LEKR1: variants seen among roughly 807,000 people sequenced by gnomAD.
LEKR1 encodes protein LEKR1.
LEKR1 carries 59 observed loss-of-function variants against 72.4 expected under a neutral mutation model. That is an observed-to-expected ratio of 0.82 (90% CI 0.66 to 1.01). The LOEUF (loss-of-function observed/expected upper bound fraction) is 1.01. Among genes scored for constraint, LEKR1 ranks in the 50% least tolerant of loss-of-function variants. LEKR1 has a pLI of 0.00. For synonymous variants in LEKR1, 257 were observed against 263.2 expected (o/e 0.98, Z 0.23); for missense variants, 728 against 759.2 (o/e 0.96, Z 0.48).
At chr3:156,928,424 A>G (rs2108575868) in intron 5 of LEKR1, among the ~76,000 whole-genome samples, 1 of 152,094 alleles carries the variant, frequency 6.6e-6, no homozygotes. Flanking sequence ...TTTCTGCTCA[A>G]TTTTCCTGTG....
chr3:156,826,787 T>C (rs62273904), intron 1 of LEKR1: 4,857 of 155,496 alleles, frequency 0.031, 114 homozygotes, highest in Non-Finnish European at 0.047. Context: ...AGTCTTAGGA[T>C]GTGAACTCCC....
intron 9 of LEKR1, among the ~76,000 whole-genome samples, chr3:156,996,276 C>T (rs953227250): frequency 2.0e-5 from 3 of 152,108 alleles, no homozygotes; most frequent in East Asian, 3.9e-4. Context: ...AAAGTGACTT[C>T]GAAGATGATA....
chr3:156,899,515 C>CAT (rs1721678930), intron 3 of LEKR1, among the ~76,000 whole-genome samples: 1 of 103,244 alleles, frequency 9.7e-6, no homozygotes, highest in Non-Finnish European at 1.9e-5. Context: ...TGTATATATA[C>CAT]ATACATACAT....
chr3:156,827,307 C>T (rs1457949148), intron 1 of LEKR1, among the ~76,000 whole-genome samples: 1 of 152,122 alleles, frequency 6.6e-6, no homozygotes, highest in African/African-American at 2.4e-5. Context: ...GAAGATAGGG[C>T]CCCAGTCTCC....
intron 5 of LEKR1, among the ~76,000 whole-genome samples, chr3:156,929,088 G>A (rs988297838): frequency 6.6e-6 from 1 of 150,424 alleles, no homozygotes; most frequent in Non-Finnish European, 1.5e-5. Context: ...GAAAATCTGA[G>A]TAAGCAACTA....
rs541519138 is a variant in LEKR1, at chr3:157,035,405, G to A, written c.1668+7003G>A. Among the ~76,000 whole-genome samples the A allele has an allele frequency of 3.3e-5, 5 of 152,224 alleles. No individual in the cohort carries two copies. The South Asian group carries it at 1.0e-3, about 32-fold the overall frequency. On this transcript the variant is annotated intron_variant, in intron 12 of 12. Coordinates refer to ENST00000356539, the MANE Select transcript of LEKR1 (RefSeq NM_001004316.3). ...CCACCATCCTGGCAGAATACCAGGG[G>A]TTTACTCTCTAGCAAAACTGAATGA...
intron 6 of LEKR1, among the ~76,000 whole-genome samples, chr3:156,959,321 C>T (rs532795470): frequency 2.0e-5 from 3 of 152,256 alleles, no homozygotes; most frequent in East Asian, 3.9e-4. Context: ...CTTAAATTCA[C>T]TTTTTGTTAT....
At chr3:156,964,523 T>C (rs546551589) in intron 6 of LEKR1, among the ~76,000 whole-genome samples, 6 of 152,300 alleles carry the variant, frequency 3.9e-5, no homozygotes, top group Non-Finnish European at 2.9e-5. Flanking sequence ...TACTTTTATA[T>C]TATGTAATTG....
At chr3:157,039,445 C>G (rs1185659996) in intron 12 of LEKR1, among the ~76,000 whole-genome samples, 1 of 151,950 alleles carries the variant, frequency 6.6e-6, no homozygotes, top group Non-Finnish European at 1.5e-5. Flanking sequence ...ATAGGGAGAC[C>G]CTGTTTTTAC....
intron 3 of LEKR1, among the ~76,000 whole-genome samples, chr3:156,906,687 T>C (rs896929981): frequency 6.6e-6 from 1 of 152,174 alleles, no homozygotes; most frequent in African/African-American, 2.4e-5. Context: ...ATCATTTTGA[T>C]ATGAAAGAAG....
At chr3:156,949,616 T>A (rs550993257) in intron 6 of LEKR1, among the ~76,000 whole-genome samples, 1 of 151,430 alleles carries the variant, frequency 6.6e-6, no homozygotes, top group South Asian at 2.1e-4. Flanking sequence ...GGCCTTAGTT[T>A]CTTTATTTAC....
At chr3:156,909,146 A>T (rs1013786626) in intron 3 of LEKR1, among the ~76,000 whole-genome samples, 1 of 152,100 alleles carries the variant, frequency 6.6e-6, no homozygotes. Context: ...TTCATCTTCC[A>T]CTATGATTGT....
At chr3:156,911,579 A>C (rs185282102) in intron 3 of LEKR1, among the ~76,000 whole-genome samples, 1 of 151,776 alleles carries the variant, frequency 6.6e-6, no homozygotes, top group Admixed American at 6.6e-5. Flanking sequence ...CTTTGGAAAA[A>C]CTGATGTTGA....
intron 3 of LEKR1, among the ~76,000 whole-genome samples, chr3:156,906,471 T>G (rs1236404867): frequency 6.6e-6 from 1 of 152,166 alleles, no homozygotes; most frequent in Non-Finnish European, 1.5e-5. Flanking sequence ...TACCCACTAT[T>G]TTCAGGAACA....
chr3:156,955,047 A>G (rs890590538), intron 6 of LEKR1, among the ~76,000 whole-genome samples: 1 of 151,950 alleles, frequency 6.6e-6, no homozygotes, highest in African/African-American at 2.4e-5. Flanking sequence ...AGTCATTTGT[A>G]GTTCTCCTTG....
chr3:156,896,929 A>G (rs1444818477), intron 3 of LEKR1, among the ~76,000 whole-genome samples: 1 of 152,118 alleles, frequency 6.6e-6, no homozygotes, highest in African/African-American at 2.4e-5. Context: ...CCATTATCCT[A>G]AGCAAATTAA....
intron 6 of LEKR1, among the ~76,000 whole-genome samples, chr3:156,963,147 C>A (rs114067766): frequency 1.1e-4 from 17 of 152,270 alleles, no homozygotes; most frequent in African/African-American, 4.1e-4. Context: ...TTTATTTAGT[C>A]ATTCAGCAAT....
At chr3:156,855,259 A>G (rs1328055630) in intron 3 of LEKR1, among the ~76,000 whole-genome samples, 1 of 152,196 alleles carries the variant, frequency 6.6e-6, no homozygotes, top group Non-Finnish European at 1.5e-5. Flanking sequence ...ATTAACTTAC[A>G]TTTGGCCAAT....
At chr3:156,954,178 T>C (rs1363245428) in intron 6 of LEKR1, among the ~76,000 whole-genome samples, 1 of 152,040 alleles carries the variant, frequency 6.6e-6, no homozygotes, top group East Asian at 1.9e-4. Flanking sequence ...AAAGTGTCTG[T>C]TCATGTTCTT....
Sources: gnomAD v4.1 joint callset for allele counts (sites outside exome capture counted in the v4.1 genomes callset) on GRCh38, gnomAD v4.1.1 for gene constraint, MANE v1.5 for transcripts, NCBI Gene and HGNC (gene_info 2026-07-23, HGNC 2026-07-21) for gene names.